Variants in RSPH3 observed in about 807,000 individuals in gnomAD.
RSPH3 encodes the protein radial spoke head 3, also known as radial spoke head protein 3 homolog.
RSPH3 carries 21 observed loss-of-function variants against 43.8 expected under a neutral mutation model. That is an observed-to-expected ratio of 0.48 (90% CI 0.34 to 0.69). The LOEUF (loss-of-function observed/expected upper bound fraction) is 0.69, where lower values mean the gene tolerates loss of function less well. RSPH3 is among the 30% of genes least tolerant of loss of function. The pLI is 0.01. For synonymous variants in RSPH3, 173 were observed against 179.8 expected (o/e 0.96, Z 0.30); for missense variants, 487 against 516.0 (o/e 0.94, Z 0.54).
chr6:158,994,672 GAAATA>G (rs1161202114), intron 1 of RSPH3, among the ~76,000 whole-genome samples: 4 of 151,840 alleles, frequency 2.6e-5, no homozygotes, highest in African/African-American at 4.8e-5. Context: ...AAATAAATAA[GAAATA>G]AAATAAAATA....
Position 158,986,320 on chromosome 6 carries a change from A to G in RSPH3, c.306T>C (p.Pro102=), listed in dbSNP as rs1583713398. ...CATGCTTTCTGCCTTCCACAGGTTC[A>G]GGTGTTTGTGGTCTGAGCTGCTCTT... ...QAQEQLRPQT[P]EPVEGRKHVD... is the part of the protein sequence containing the mutation. Residue 102 remains proline (P), a synonymous_variant, in exon 3 of 8, where the codon CCT becomes CCC. Coordinates refer to ENST00000367069, the MANE Select transcript of RSPH3 (RefSeq NM_031924.8). 6.2e-7 allele frequency: 1 copy of G among 1,614,126 alleles called. No homozygotes were observed.
chr6:158,993,408 G>T (rs113498973), intron 2 of RSPH3, among the ~76,000 whole-genome samples: 13,527 of 149,638 alleles, frequency 0.09, 1,396 homozygotes, highest in East Asian at 0.4. Flanking sequence ...GAGCCACCGC[G>T]CCCGGCCAAC....
chr6:158,990,021 A>G (rs1583718636), intron 2 of RSPH3, among the ~76,000 whole-genome samples: 2 of 152,122 alleles, frequency 1.3e-5, no homozygotes, highest in East Asian at 3.9e-4. Context: ...CTAGCCCCCC[A>G]GCCTACATCT....
chr6:158,969,483 T>C (rs1777669881), downstream of RSPH3, among the ~76,000 whole-genome samples: 1 of 152,348 alleles, frequency 6.6e-6, no homozygotes, highest in Non-Finnish European at 1.5e-5. Flanking sequence ...ATATGTCTAA[T>C]TGTGGATCTC....
At chr6:158,988,545 CTA>C (rs1319087492) in intron 2 of RSPH3, among the ~76,000 whole-genome samples, 1 of 152,166 alleles carries the variant, frequency 6.6e-6, no homozygotes, top group Admixed American at 6.5e-5. Context: ...GGGTAATTTT[CTA>C]TATCTTATAA....
chr6:158,988,510 G>C (rs761041428), intron 2 of RSPH3, among the ~76,000 whole-genome samples: 6 of 152,136 alleles, frequency 3.9e-5, no homozygotes, highest in Non-Finnish European at 7.4e-5. Flanking sequence ...TTGAACACAA[G>C]TAATTCTTAG....
the RSPH3 span, among the ~76,000 whole-genome samples, chr6:158,967,339 A>G: frequency 2.1e-3 from 323 of 152,206 alleles, no homozygotes; most frequent in Non-Finnish European, 3.5e-3. Context: ...TAATTTTTCT[A>G]TGATTTCTCC....
intron 1 of RSPH3, among the ~76,000 whole-genome samples, chr6:158,995,011 T>C (rs1053814186): frequency 1.3e-5 from 2 of 152,154 alleles, no homozygotes; most frequent in African/African-American, 4.8e-5. Context: ...CTTCTGATTG[T>C]TTTTCTACTA....
chr6:158,964,928 G>A, the RSPH3 span, among the ~76,000 whole-genome samples: 1 of 152,080 alleles, frequency 6.6e-6, no homozygotes, highest in Non-Finnish European at 1.5e-5. Flanking sequence ...GTTGTCTTGA[G>A]TTCTAGCTCT....
Position 159,000,052 on chromosome 6 carries a change from G to A in RSPH3, c.-502C>T. The A allele has an allele frequency of 1.4e-6, 2 of 1,420,400 alleles. No individual in the cohort carries two copies. The highest frequency in any genetic ancestry group is 1.9e-6 in the Non-Finnish European group (2 of 1,061,052). The allele number at this position is 1,420,400 out of a possible 1,614,324, so 88.0% of individuals were successfully genotyped here. A position where few individuals can be genotyped will look rare whatever the true frequency, so the allele number is the denominator to read the frequency against. On this transcript the variant is annotated 5_prime_UTR_variant, in exon 1 of 8. Transcript: ENST00000367069. The stretch of plus-strand genomic sequence containing the variant: ...GTGGCTTTGCAGGGCTGGTGTTGGC[G>A]CCATTCTCGCAGGCCCACGTGCTCC...
At chr6:158,979,197 T>G (rs1001870756) in intron 6 of RSPH3, among the ~76,000 whole-genome samples, 1 of 152,202 alleles carries the variant, frequency 6.6e-6, no homozygotes, top group South Asian at 2.1e-4. Context: ...AATATACATT[T>G]TAAAGTTTCA....
chr6:158,977,886 A>C (rs1777903955), intron 7 of RSPH3, 38 bp from the exon 8 acceptor site: 1 of 1,496,604 alleles, frequency 6.7e-7, no homozygotes, highest in South Asian at 1.3e-5. Flanking sequence ...TATGATTTTC[A>C]TATTATGGTA....
chr6:158,999,390 TG>T (rs1421922067), intron 1 of RSPH3, 44 bp downstream of exon 1: 2 of 1,445,550 alleles, frequency 1.4e-6, no homozygotes, highest in East Asian at 2.5e-5. Flanking sequence ...GGCCTGGGGA[TG>T]GGGTGCAAGT....
chr6:158,978,428 A>T, intron 6 of RSPH3, 82 bp from the exon 7 acceptor site: 1 of 699,844 alleles, frequency 1.4e-6, no homozygotes, highest in South Asian at 1.7e-5. Context: ...ACTCATCAAC[A>T]TTGGTTTCTT....
Position 158,999,713 on chromosome 6 carries a change from A to G in RSPH3, c.-163T>C. On this transcript the variant is annotated 5_prime_UTR_variant, in exon 1 of 8. Coordinates refer to ENST00000367069, the MANE Select transcript of RSPH3 (RefSeq NM_031924.8). Reference sequence around the variant, plus strand: ...GAGGCGGGCGGGACGGGAGGTTACCAGCGCAGGAGGTGGGAGCTATACTGG... The same window carrying G: ...GAGGCGGGCGGGACGGGAGGTTACCGGCGCAGGAGGTGGGAGCTATACTGG... 1 of 1,613,782 alleles carries G rather than the reference A, an allele frequency of 6.2e-7. No homozygotes were observed. The highest frequency in any genetic ancestry group is 8.5e-7 in the Non-Finnish European group (1 of 1,179,846).
intron 5 of RSPH3, among the ~76,000 whole-genome samples, chr6:158,981,746 C>T (rs79950304): frequency 0.018 from 2,736 of 152,242 alleles, 34 homozygotes; most frequent in Middle Eastern, 0.024. Context: ...AATTATGCTA[C>T]TTTTCACAGC....
chr6:158,986,386 T>C lies in RSPH3; in HGVS notation c.240A>G (p.Gln80=), dbSNP rs1192825010. 2 of 1,614,014 alleles carry C rather than the reference T, an allele frequency of 1.2e-6. No homozygotes were observed. Among genetic ancestry groups the C allele is most frequent in the East Asian group, 2.2e-5 (1 of 44,888 alleles). Residue 80 remains glutamine, a synonymous_variant, in exon 3 of 8, where the codon CAA becomes CAG. Coordinates refer to ENST00000367069, the MANE Select transcript of RSPH3 (RefSeq NM_031924.8). The part of the protein sequence containing the change: ...GRPDSLELQR[Q]REARKRALAR... ...CAAGAGCCCTCTTCCTAGCCTCCCG[T>C]TGTCTCTGGAGCTCTAGAGAATCAG...
In RSPH3 at chr6:158,976,818, T is replaced by G. The variant is rs1466118990; in HGVS notation, c.*720A>C. ...CAACGTTTAGGCATTCTCTCTCTTTTTTTTCTTTTTTTTTTGAGACGGAGT... is the reference window on the plus strand; with the variant it reads ...CAACGTTTAGGCATTCTCTCTCTTTGTTTTCTTTTTTTTTTGAGACGGAGT... On this transcript the variant is annotated 3_prime_UTR_variant, in exon 8 of 8. Coordinates refer to ENST00000367069, the MANE Select transcript of RSPH3 (RefSeq NM_031924.8). 1 of 152,792 alleles carries G rather than the reference T, an allele frequency of 6.5e-6. No individual in the cohort carries two copies. The highest frequency in any genetic ancestry group is 1.5e-5 in the Non-Finnish European group (1 of 68,622). 9.5% of individuals were successfully genotyped at this position (152,792 alleles called of 1,614,324 possible).
At chr6:158,970,001 G>A (rs185343263), downstream of RSPH3, among the ~76,000 whole-genome samples, 44 of 151,828 alleles carry the variant, frequency 2.9e-4, no homozygotes, top group East Asian at 8.1e-3. Context: ...TTAAAAATCT[G>A]GACTTCCTTG....
Sources: gnomAD v4.1 joint callset for allele counts (sites outside exome capture counted in the v4.1 genomes callset) on GRCh38, gnomAD v4.1.1 for gene constraint, MANE v1.5 for transcripts, NCBI Gene and HGNC (gene_info 2026-07-23, HGNC 2026-07-21) for gene names.